WDR70: variants seen among roughly 807,000 people sequenced by gnomAD.
WDR70 encodes the protein WD repeat domain 70, also known as WD repeat-containing protein 70.
Under a neutral mutation model 88.6 loss-of-function variants are expected in WDR70, and 53 were observed. That is an observed-to-expected ratio of 0.60 (90% CI 0.48 to 0.75). WDR70 has a LOEUF of 0.75. WDR70 is among the 30% of genes least tolerant of loss of function. WDR70 has a pLI of 0.00. For missense variants in WDR70, 610 were observed against 823.2 expected (o/e 0.74, Z 3.17); for synonymous variants, 280 against 270.0 (o/e 1.04, Z -0.36).
intron 10 of WDR70, among the ~76,000 whole-genome samples, chr5:37,664,372 T>A (rs562688053): frequency 2.6e-5 from 4 of 152,330 alleles, no homozygotes; most frequent in African/African-American, 9.6e-5. Context: ...TCCTGGTCTG[T>A]TATTGAGTCC....
At chr5:37,703,445 T>G (rs1039307082) in intron 13 of WDR70, among the ~76,000 whole-genome samples, 10 of 152,220 alleles carry the variant, frequency 6.6e-5, no homozygotes, top group African/African-American at 2.4e-4. Flanking sequence ...AGTGAAAGAT[T>G]AATAAGTGAC....
intron 12 of WDR70, 149 bp downstream of exon 12, chr5:37,701,291 T>A: frequency 1.8e-6 from 1 of 551,152 alleles, no homozygotes. Context: ...GAAAAATATG[T>A]ATTTTTTTTA....
At chr5:37,711,987 CTTTTT>C (rs70978842) in intron 13 of WDR70, among the ~76,000 whole-genome samples, 1 of 104,022 alleles carries the variant, frequency 9.6e-6, no homozygotes, top group Non-Finnish European at 1.9e-5. Context: ...TATATTTTTT[CTTTTT>C]TTTTTTTTTT....
At chr5:37,391,188 T>C (rs558682832) in intron 3 of WDR70, among the ~76,000 whole-genome samples, 77 of 152,306 alleles carry the variant, frequency 5.1e-4, no homozygotes, top group African/African-American at 1.7e-3. Context: ...TTATCTGCAG[T>C]TAATATTATA....
intron 9 of WDR70, among the ~76,000 whole-genome samples, chr5:37,529,650 C>G (rs1158816021): frequency 1.3e-5 from 2 of 152,002 alleles, no homozygotes; most frequent in Non-Finnish European, 2.9e-5. Context: ...TATAGCAGAG[C>G]TACTGATTTG....
intron 10 of WDR70, among the ~76,000 whole-genome samples, chr5:37,641,218 C>T (rs568982965): frequency 2.6e-5 from 4 of 151,636 alleles, no homozygotes; most frequent in South Asian, 4.2e-4. Context: ...TGGGTTCAAA[C>T]GATTCTCATG....
chr5:37,391,027 A>T (rs1748803472), intron 3 of WDR70, among the ~76,000 whole-genome samples: 1 of 152,120 alleles, frequency 6.6e-6, no homozygotes, highest in Admixed American at 6.6e-5. Context: ...AGAAGTGCTA[A>T]ATTTATGTTT....
intron 9 of WDR70, among the ~76,000 whole-genome samples, chr5:37,517,021 C>T (rs1354047300): frequency 1.3e-5 from 2 of 151,992 alleles, no homozygotes; most frequent in Admixed American, 1.3e-4. Flanking sequence ...TGTGCCCGGC[C>T]TATATATTCT....
intron 6 of WDR70, among the ~76,000 whole-genome samples, chr5:37,440,882 G>A (rs1290746358): frequency 6.6e-6 from 1 of 152,206 alleles, no homozygotes; most frequent in African/African-American, 2.4e-5. Context: ...TTGTCAGACT[G>A]CATGTTTGTT....
intron 13 of WDR70, among the ~76,000 whole-genome samples, chr5:37,716,811 A>G (rs1420261306): frequency 6.6e-6 from 1 of 152,080 alleles, no homozygotes; most frequent in African/African-American, 2.4e-5. Context: ...CTAAAAGTAA[A>G]CAAAATAACC....
At chr5:37,537,793 A>G (rs1741707247) in intron 9 of WDR70, among the ~76,000 whole-genome samples, 1 of 152,204 alleles carries the variant, frequency 6.6e-6, no homozygotes, top group Non-Finnish European at 1.5e-5. Flanking sequence ...TTTTTCAGAA[A>G]GAAATAAGAA....
chr5:37,518,540 T>C (rs966135399), intron 9 of WDR70, among the ~76,000 whole-genome samples: 1 of 152,300 alleles, frequency 6.6e-6, no homozygotes, highest in South Asian at 2.1e-4. Context: ...GATCTCATTC[T>C]TTTTTCATGG....
chr5:37,734,948 C>A (rs1748258525), intron 17 of WDR70, among the ~76,000 whole-genome samples: 1 of 152,126 alleles, frequency 6.6e-6, no homozygotes, highest in Admixed American at 6.6e-5. Flanking sequence ...GTTAGACTGG[C>A]TTCCTAAAAA....
At chr5:37,587,659 G>A (rs1194603669) in intron 9 of WDR70, among the ~76,000 whole-genome samples, 1 of 152,048 alleles carries the variant, frequency 6.6e-6, no homozygotes, top group East Asian at 1.9e-4. Flanking sequence ...TATCCACCAA[G>A]GTACCTGGTT....
chr5:37,453,782 A>C (rs1738748113), intron 7 of WDR70, among the ~76,000 whole-genome samples: 2 of 152,116 alleles, frequency 1.3e-5, no homozygotes, highest in Admixed American at 1.3e-4. Flanking sequence ...AAGTTACATA[A>C]TTTTAAAATT....
At chr5:37,398,130 C>T (rs542392307) in intron 5 of WDR70, among the ~76,000 whole-genome samples, 5 of 129,200 alleles carry the variant, frequency 3.9e-5, no homozygotes, top group African/African-American at 8.9e-5. Context: ...ACTCTGTCAC[C>T]GAGGCTGGAA....
At chr5:37,521,089 A>G (rs894875927) in intron 9 of WDR70, among the ~76,000 whole-genome samples, 15 of 152,308 alleles carry the variant, frequency 9.8e-5, no homozygotes, top group South Asian at 2.1e-4. Context: ...CTTAAGTTGA[A>G]TAGAGCAGTT....
intron 10 of WDR70, among the ~76,000 whole-genome samples, chr5:37,656,517 C>A (rs1466034134): frequency 3.3e-5 from 5 of 152,232 alleles, no homozygotes; most frequent in African/African-American, 1.2e-4. Flanking sequence ...CAGGCAGGAA[C>A]TTTTAAGTCT....
chr5:37,540,846 T>G (rs1741794804), intron 9 of WDR70, among the ~76,000 whole-genome samples: 1 of 152,246 alleles, frequency 6.6e-6, no homozygotes, highest in Non-Finnish European at 1.5e-5. Context: ...CATGATTTTC[T>G]CACTCTTTGT....
Sources: allele counts gnomAD v4.1 joint callset (sites outside exome capture counted in the v4.1 genomes callset), GRCh38; gene constraint gnomAD v4.1.1; transcripts MANE v1.5; gene names NCBI Gene and HGNC (gene_info 2026-07-23, HGNC 2026-07-21).